Variants in FHIT observed in about 807,000 individuals in gnomAD.
FHIT encodes the protein fragile histidine triad diadenosine triphosphatase, also known as bis(5'-adenosyl)-triphosphatase.
A neutral mutation model predicts 17.9 loss-of-function variants in FHIT; 19 were observed. The observed-to-expected ratio is 1.06, with a 90% CI of 0.74 to 1.56. The LOEUF is 1.56. FHIT is among the 40% of genes most tolerant of loss of function. The pLI is 0.00. For missense variants in FHIT, 248 were observed against 189.2 expected (o/e 1.31, Z -1.82); for synonymous variants, 81 against 69.7 (o/e 1.16, Z -0.81).
chr3:60,079,459 T>C (rs1156303352), intron 5 of FHIT, among the ~76,000 whole-genome samples: 13 of 151,958 alleles, frequency 8.6e-5, no homozygotes, highest in Non-Finnish European at 1.6e-4. Flanking sequence ...CAGTTAAAAA[T>C]AGTTTTTCCT....
intron 3 of FHIT, among the ~76,000 whole-genome samples, chr3:60,890,928 A>G (rs1206696185): frequency 2.0e-5 from 3 of 152,204 alleles, no homozygotes; most frequent in Non-Finnish European, 4.4e-5. Context: ...GTGGGTAAAG[A>G]TATTTGACTC....
chr3:60,589,916 G>A (rs543768891), intron 4 of FHIT, among the ~76,000 whole-genome samples: 80 of 152,046 alleles, frequency 5.3e-4, no homozygotes, highest in Middle Eastern at 3.4e-3. Context: ...TATGCATTAG[G>A]TAAGTATGAA....
intron 5 of FHIT, among the ~76,000 whole-genome samples, chr3:60,033,752 T>C (rs1225239452): frequency 2.0e-5 from 3 of 152,226 alleles, no homozygotes; most frequent in Middle Eastern, 3.2e-3. Context: ...TTGGTGCTTT[T>C]TCTGAGTATG....
chr3:60,910,812 C>A (rs1173888756), intron 3 of FHIT, among the ~76,000 whole-genome samples: 3 of 152,172 alleles, frequency 2.0e-5, no homozygotes, highest in Admixed American at 2.0e-4. Context: ...ATCCTAGATT[C>A]ACCCCTGGGA....
intron 2 of FHIT, among the ~76,000 whole-genome samples, chr3:61,082,980 C>A (rs2035188952): frequency 6.6e-6 from 1 of 152,142 alleles, no homozygotes; most frequent in Admixed American, 6.5e-5. Flanking sequence ...CTTTTTCTTA[C>A]TGATGTGTAG....
chr3:59,999,036 T>C (rs1699625901), intron 7 of FHIT, among the ~76,000 whole-genome samples: 1 of 152,120 alleles, frequency 6.6e-6, no homozygotes, highest in African/African-American at 2.4e-5. Flanking sequence ...GCCACAGTAA[T>C]TGTTTTGAGC....
At chr3:59,836,147 G>A (rs1194674578) in intron 8 of FHIT, among the ~76,000 whole-genome samples, 5 of 145,444 alleles carry the variant, frequency 3.4e-5, no homozygotes, top group Admixed American at 1.4e-4. Flanking sequence ...GATGGACTAG[G>A]AGGTACTACT....
At chr3:60,028,581 G>T (rs1480324615) in intron 5 of FHIT, among the ~76,000 whole-genome samples, 1 of 152,094 alleles carries the variant, frequency 6.6e-6, no homozygotes, top group Non-Finnish European at 1.5e-5. Flanking sequence ...ATGGATAATC[G>T]AAAGAGGGAA....
At chr3:60,631,384 T>G (rs2039437808) in intron 4 of FHIT, among the ~76,000 whole-genome samples, 1 of 152,166 alleles carries the variant, frequency 6.6e-6, no homozygotes, top group Non-Finnish European at 1.5e-5. Context: ...CAAGAGCCTG[T>G]CTTTCCAGCA....
At chr3:60,825,592 C>G (rs1388818093) in intron 3 of FHIT, among the ~76,000 whole-genome samples, 5 of 152,092 alleles carry the variant, frequency 3.3e-5, no homozygotes, top group African/African-American at 1.2e-4. Flanking sequence ...CACCTCCTGT[C>G]AGATCAGCAG....
intron 7 of FHIT, among the ~76,000 whole-genome samples, 180 bp from the exon 8 acceptor site, chr3:59,922,594 T>C (rs1245872164): frequency 6.6e-6 from 1 of 152,154 alleles, no homozygotes; most frequent in Non-Finnish European, 1.5e-5. Context: ...GAGAGTGCAC[T>C]AAGCAAGAGA....
At chr3:60,453,185 T>C (rs937213798) in intron 5 of FHIT, among the ~76,000 whole-genome samples, 2 of 144,324 alleles carry the variant, frequency 1.4e-5, no homozygotes, top group South Asian at 2.2e-4. Context: ...AATTATTTTA[T>C]GCCTGAGCAG....
intron 2 of FHIT, among the ~76,000 whole-genome samples, chr3:61,189,053 A>C (rs59700734): frequency 0.046 from 6,947 of 152,074 alleles, 510 homozygotes; most frequent in East Asian, 0.27. Context: ...TACCACTCCT[A>C]TTCAACACAG....
At chr3:61,016,905 T>A (rs1278750932) in intron 3 of FHIT, among the ~76,000 whole-genome samples, 1 of 152,212 alleles carries the variant, frequency 6.6e-6, no homozygotes, top group African/African-American at 2.4e-5. Flanking sequence ...TGTCCAGGTT[T>A]CTCCACAAAA....
chr3:60,311,961 A>G (rs1708968142), intron 5 of FHIT, among the ~76,000 whole-genome samples: 1 of 152,186 alleles, frequency 6.6e-6, no homozygotes, highest in African/African-American at 2.4e-5. Context: ...GTAATACAGT[A>G]TAATAGTTCT....
At chr3:60,975,539 A>G (rs571658783) in intron 3 of FHIT, among the ~76,000 whole-genome samples, 1 of 152,320 alleles carries the variant, frequency 6.6e-6, no homozygotes, top group Non-Finnish European at 1.5e-5. Context: ...TCCCCAAACA[A>G]ATGAGAAATC....
intron 1 of FHIT, among the ~76,000 whole-genome samples, chr3:61,239,391 G>T (rs1340647395): frequency 8.6e-5 from 13 of 151,904 alleles, no homozygotes; most frequent in Admixed American, 8.5e-4. Context: ...CCACCTTAAG[G>T]CCTTGGTATA....
chr3:61,161,472 G>C (rs1300573325), intron 2 of FHIT, among the ~76,000 whole-genome samples: 2 of 152,102 alleles, frequency 1.3e-5, no homozygotes, highest in African/African-American at 4.8e-5. Context: ...AAAGTGCTGG[G>C]ATTACAGGCA....
Position 60,444,139 on chromosome 3 carries a change from G to A in FHIT, c.103+92721C>T, listed in dbSNP as rs559520999. Among the ~76,000 whole-genome samples the A allele has an allele frequency of 9.4e-3, 1,429 of 152,136 alleles. 15 individuals are homozygous for A. The highest frequency in any genetic ancestry group is 0.033 in the African/African-American group (1,369 of 41,498). On this transcript the variant is annotated intron_variant, in intron 5 of 9. Transcript: ENST00000492590. Reference sequence around the variant, plus strand: ...CAGAGAAATGCAAATCAAAACCACAGTGAGATACCATCTCACACCAGTTAG... The same window carrying A: ...CAGAGAAATGCAAATCAAAACCACAATGAGATACCATCTCACACCAGTTAG...
Sources: gnomAD v4.1 joint callset for allele counts (sites outside exome capture counted in the v4.1 genomes callset) on GRCh38, gnomAD v4.1.1 for gene constraint, MANE v1.5 for transcripts, NCBI Gene and HGNC (gene_info 2026-07-23, HGNC 2026-07-21) for gene names.